APBB2: variants seen among roughly 807,000 people sequenced by gnomAD.
The protein encoded by APBB2 is Fe65-like 1.
In APBB2, 38 loss-of-function variants were observed where a neutral mutation model predicts 82.5. The ratio of observed to expected loss-of-function variants is 0.46; its 90% CI spans 0.36 to 0.60. APBB2 has a LOEUF of 0.60. Ranked by LOEUF, APBB2 falls within the 20% of genes least tolerant of loss-of-function variation. The pLI, the probability that APBB2 is intolerant of heterozygous loss-of-function variation, is 0.00. For missense variants in APBB2, 772 were observed against 972.3 expected (o/e 0.79, Z 2.74); for synonymous variants, 341 against 368.2 (o/e 0.93, Z 0.85).
intron 6 of APBB2, among the ~76,000 whole-genome samples, chr4:40,972,427 CAAA>C (rs11349428): frequency 2.4e-5 from 3 of 126,372 alleles, no homozygotes. Context: ...GACTCCATCT[CAAA>C]AAAAAAAAAA....
At position 40,815,452 on chromosome 4, in the gene APBB2, T is replaced by C. The variant is rs1329506342; in HGVS notation, c.*640A>G. The C allele has an allele frequency of 6.6e-6, 1 of 152,576 alleles. No individual in the cohort carries two copies. Among genetic ancestry groups the C allele is most frequent in the Admixed American group, 6.5e-5 (1 of 15,280 alleles). 9.5% of individuals were successfully genotyped at this position (152,576 alleles called of 1,614,324 possible). On this transcript the variant is annotated 3_prime_UTR_variant, in exon 18 of 18. Coordinates refer to ENST00000508593, the MANE Select transcript of APBB2 (RefSeq NM_004307.2). ...TTCATCAATTTTGAAGTTTCATTTT[T>C]TTCCAACATCCCACAAACAGCTGTA...
chr4:40,935,385 A>G (rs1319905599), intron 7 of APBB2: 2 of 472,252 alleles, frequency 4.2e-6, no homozygotes, highest in Non-Finnish European at 7.4e-6. Context: ...AAACATTATT[A>G]GAAGCAGACA....
At chr4:41,145,905 A>G (rs1760575770) in intron 1 of APBB2, among the ~76,000 whole-genome samples, 1 of 152,236 alleles carries the variant, frequency 6.6e-6, no homozygotes, top group Non-Finnish European at 1.5e-5. Context: ...AAAAATTAAG[A>G]GATGCCAGGC....
At chr4:41,005,836 G>T (rs1806557471) in intron 6 of APBB2, among the ~76,000 whole-genome samples, 1 of 152,220 alleles carries the variant, frequency 6.6e-6, no homozygotes, top group South Asian at 2.1e-4. Flanking sequence ...GCTCTCCCCA[G>T]ATCTCCATCA....
chr4:41,073,258 A>C (rs570777514), intron 3 of APBB2, among the ~76,000 whole-genome samples: 1 of 152,298 alleles, frequency 6.6e-6, no homozygotes, highest in East Asian at 1.9e-4. Context: ...AGTAAAAAAA[A>C]CCTAGAATGT....
chr4:40,850,345 G>A (rs1378545159), intron 12 of APBB2, among the ~76,000 whole-genome samples: 1 of 152,140 alleles, frequency 6.6e-6, no homozygotes. Context: ...ACTATAACAA[G>A]TATGTCATCT....
intron 2 of APBB2, among the ~76,000 whole-genome samples, chr4:41,116,684 AT>A (rs1254731473): frequency 2.1e-4 from 32 of 152,160 alleles, no homozygotes; most frequent in African/African-American, 7.5e-4. Context: ...TTGGCAAAAA[AT>A]AATATGTATT....
chr4:41,014,069 CCTG>C lies in APBB2; in HGVS notation c.346_348del (p.Gln116del), dbSNP rs1318027866. On this transcript the variant is annotated inframe_deletion, in exon 6 of 18. Transcript: ENST00000508593. ...GTGGGGCTCAGGTTTTTGTTGGGGT[CCTG>C]CTGCCCTTGCTCTGCAGCCTTACGG... 6.2e-7 allele frequency: 1 copy of C among 1,614,160 alleles called. No individual in the cohort carries two copies. The highest frequency in any genetic ancestry group is 1.1e-5 in the South Asian group (1 of 91,082).
intron 6 of APBB2, 47 bp from the exon 7 acceptor site, chr4:40,945,120 TA>T: frequency 7.5e-7 from 1 of 1,339,946 alleles, no homozygotes; most frequent in African/African-American, 1.5e-5. Flanking sequence ...AGAATTTTAT[TA>T]AAAGAATGTC....
chr4:40,959,133 C>T (rs1342207693), intron 6 of APBB2, among the ~76,000 whole-genome samples: 1 of 152,180 alleles, frequency 6.6e-6, no homozygotes, highest in Admixed American at 6.6e-5. Context: ...ATTATATGGA[C>T]ATTAAGCTAA....
intron 12 of APBB2, chr4:40,856,851 T>C (rs1578007503): frequency 1.3e-6 from 1 of 767,778 alleles, no homozygotes; most frequent in Non-Finnish European, 1.6e-6. Context: ...CTTCCAGCCG[T>C]CCAGGACCAG....
intron 1 of APBB2, among the ~76,000 whole-genome samples, chr4:41,169,001 G>A (rs150716482): frequency 6.6e-6 from 1 of 151,790 alleles, no homozygotes; most frequent in Admixed American, 6.6e-5. Flanking sequence ...CCTGGCCAAG[G>A]TAGTGAGACC....
intron 10 of APBB2, among the ~76,000 whole-genome samples, chr4:40,925,658 A>G (rs1279078087): frequency 6.6e-6 from 1 of 152,230 alleles, no homozygotes; most frequent in Non-Finnish European, 1.5e-5. Context: ...ATCAATTATA[A>G]GAACTACATG....
At chr4:41,117,742 T>A (rs549188746) in intron 2 of APBB2, among the ~76,000 whole-genome samples, 2 of 152,244 alleles carry the variant, frequency 1.3e-5, no homozygotes, top group Admixed American at 1.3e-4. Flanking sequence ...TAGTGTGGTG[T>A]CATTTGCACC....
intron 2 of APBB2, among the ~76,000 whole-genome samples, chr4:41,131,317 C>G (rs915996291): frequency 2.0e-5 from 3 of 152,054 alleles, no homozygotes; most frequent in Admixed American, 6.6e-5. Flanking sequence ...GTATTGATTA[C>G]CCTGAATTTT....
chr4:41,153,141 T>C (rs566715041), intron 1 of APBB2, among the ~76,000 whole-genome samples: 16 of 152,206 alleles, frequency 1.1e-4, no homozygotes, highest in Non-Finnish European at 2.1e-4. Flanking sequence ...CCTGTAGCAT[T>C]TGCTCTTCAG....
chr4:40,825,511 C>T (rs1045813925), intron 15 of APBB2, among the ~76,000 whole-genome samples: 2 of 152,244 alleles, frequency 1.3e-5, no homozygotes, highest in African/African-American at 2.4e-5. Context: ...CTCCACAGTC[C>T]TTTCTCCTGG....
intron 6 of APBB2, among the ~76,000 whole-genome samples, chr4:40,986,081 C>T (rs541545683): frequency 1.3e-5 from 2 of 152,282 alleles, no homozygotes; most frequent in Non-Finnish European, 2.9e-5. Context: ...CAATACCTGA[C>T]CACACAAGAA....
At chr4:40,987,967 G>C (rs898658777) in intron 6 of APBB2, among the ~76,000 whole-genome samples, 1 of 152,276 alleles carries the variant, frequency 6.6e-6, no homozygotes, top group East Asian at 1.9e-4. Flanking sequence ...TCAAACATTA[G>C]TGTTCACCAG....
Sources: gnomAD v4.1 joint callset for allele counts (sites outside exome capture counted in the v4.1 genomes callset) on GRCh38, gnomAD v4.1.1 for gene constraint, MANE v1.5 for transcripts, NCBI Gene and HGNC (gene_info 2026-07-23, HGNC 2026-07-21) for gene names.